Variants in ZFP82 observed in about 807,000 individuals in gnomAD.
The protein encoded by ZFP82 is zinc finger protein 82 homolog.
In ZFP82, 30 loss-of-function variants were observed where a neutral mutation model predicts 54.0. The ratio of observed to expected loss-of-function variants is 0.56; its 90% CI spans 0.42 to 0.75. The LOEUF (loss-of-function observed/expected upper bound fraction) is 0.75. ZFP82 is among the 30% of genes least tolerant of loss of function. The pLI is 0.00. For missense variants in ZFP82, 500 were observed against 636.8 expected (o/e 0.79, Z 2.31); for synonymous variants, 194 against 209.5 (o/e 0.93, Z 0.64).
rs59329149 is a variant in ZFP82, at chr19:36,397,075, A to T, written c.230-2965T>A. Among the ~76,000 whole-genome samples the T allele has an allele frequency of 5.1e-3, 746 of 146,064 alleles. 11 individuals carry two copies. Among genetic ancestry groups the T allele is most frequent in the African/African-American group, 0.018 (717 of 39,186 alleles). On this transcript the variant is annotated intron_variant, in intron 4 of 4. Coordinates refer to ENST00000392161, the MANE Select transcript of ZFP82 (RefSeq NM_133466.4). ...TTAGTTAGAATACAGAAATAGAAGT[A>T]ATAAAGCATAAACCAATTTTTTTTT...
intron 4 of ZFP82, among the ~76,000 whole-genome samples, chr19:36,398,719 T>A (rs1348225234): frequency 6.6e-6 from 1 of 152,072 alleles, no homozygotes; most frequent in East Asian, 1.9e-4. Flanking sequence ...AGCGTCACCC[T>A]CTGTCACCAC....
At position 36,393,750 on chromosome 19, in the gene ZFP82, G is replaced by A. The variant is rs200935785; in HGVS notation, c.590C>T (p.Pro197Leu). The A allele has an allele frequency of 5.0e-6, 8 of 1,613,720 alleles. No individual in the cohort carries two copies. The highest frequency in any genetic ancestry group is 1.7e-5 in the Admixed American group (1 of 59,976). The change falls in exon 5 of 5, where the codon CCG becomes CTG. Residue 197 changes from proline (P) to leucine (L), a missense_variant. By Grantham distance (98) the Pro-to-Leu change is moderately conservative. Transcript: ENST00000392161. ...FHHRIHTGEKPYECKECGMAF... is the reference protein window; with the variant it reads ...FHHRIHTGEKLYECKECGMAF... ...CATCCCACATTCCTTACATTCATAC[G>A]GTTTTTCACCAGTATGAATTCTGTG...
chr19:36,385,384 T>C (rs1237823936), downstream of ZFP82, among the ~76,000 whole-genome samples: 1 of 152,220 alleles, frequency 6.6e-6, no homozygotes. Context: ...TCTGTAGTAT[T>C]CTGTTATAGC....
At chr19:36,407,074 CTT>C (rs35808591) in intron 3 of ZFP82, among the ~76,000 whole-genome samples, 226 of 99,740 alleles carry the variant, frequency 2.3e-3, no homozygotes, top group African/African-American at 7.4e-3. Flanking sequence ...TTTTAATTTT[CTT>C]TTTTTTTTTT....
At chr19:36,396,861 T>G (rs1389931658) in intron 4 of ZFP82, among the ~76,000 whole-genome samples, 1 of 149,862 alleles carries the variant, frequency 6.7e-6, no homozygotes, top group Non-Finnish European at 1.5e-5. Context: ...AAAAAAAAAT[T>G]AAGCCTACAT....
chr19:36,406,658 G>T (rs1217561076), intron 3 of ZFP82, among the ~76,000 whole-genome samples: 1 of 152,106 alleles, frequency 6.6e-6, no homozygotes, highest in African/African-American at 2.4e-5. Context: ...GAATAATGCT[G>T]CTGTGAATAC....
At chr19:36,416,396 T>C (rs1276553055) in intron 1 of ZFP82, among the ~76,000 whole-genome samples, 1 of 152,174 alleles carries the variant, frequency 6.6e-6, no homozygotes, top group East Asian at 1.9e-4. Flanking sequence ...CAATTTTACG[T>C]ACAATTTCAA....
At position 36,401,673 on chromosome 19, in the gene ZFP82, T is replaced by C. The variant is rs79484209; in HGVS notation, c.229+3907A>G. On this transcript the variant is annotated intron_variant, in intron 4 of 4. Transcript: ENST00000392161. ...TTGCACTCAACCGGAGAAATAATTT[T>C]AGAATACAAGCAGCCCGTGGCTTTC... Among the ~76,000 whole-genome samples the C allele has an allele frequency of 9.4e-3, 1,431 of 152,356 alleles. 19 individuals carry two copies. The highest frequency in any genetic ancestry group is 0.02 in the Middle Eastern group (6 of 294).
At chr19:36,412,170 T>C (rs1001593829) in intron 1 of ZFP82, among the ~76,000 whole-genome samples, 2 of 152,158 alleles carry the variant, frequency 1.3e-5, no homozygotes, top group Admixed American at 1.3e-4. Context: ...TCAAGATATA[T>C]AATCTCTTAG....
At chr19:36,385,865 T>A (rs1226601514), downstream of ZFP82, among the ~76,000 whole-genome samples, 1 of 152,216 alleles carries the variant, frequency 6.6e-6, no homozygotes, top group East Asian at 1.9e-4. Context: ...CTGAAAGAGC[T>A]ACATGGCTTC....
At chr19:36,405,444 C>T in intron 4 of ZFP82, 136 bp downstream of exon 4, 2 of 541,168 alleles carry the variant, frequency 3.7e-6, no homozygotes, top group East Asian at 3.0e-5. Flanking sequence ...ACCTTTCCTC[C>T]TTGGGCCACA....
chr19:36,400,810 C>T (rs1335496199), intron 4 of ZFP82, among the ~76,000 whole-genome samples: 1 of 152,178 alleles, frequency 6.6e-6, no homozygotes, highest in African/African-American at 2.4e-5. Context: ...CCCTATTTCC[C>T]AGCTTCCCTT....
At chr19:36,416,616 C>T (rs1367750104) in intron 1 of ZFP82, among the ~76,000 whole-genome samples, 1 of 151,606 alleles carries the variant, frequency 6.6e-6, no homozygotes, top group Non-Finnish European at 1.5e-5. Flanking sequence ...ATTAGGCAGG[C>T]GTGGTGGTAT....
downstream of ZFP82, among the ~76,000 whole-genome samples, chr19:36,386,733 T>G (rs1049321997): frequency 2.0e-5 from 3 of 152,138 alleles, no homozygotes; most frequent in African/African-American, 7.2e-5. Flanking sequence ...GGTCAGGAGT[T>G]CAAGACCAGC....
chr19:36,399,439 G>A (rs2032348331), intron 4 of ZFP82, among the ~76,000 whole-genome samples: 1 of 152,138 alleles, frequency 6.6e-6, no homozygotes, highest in Non-Finnish European at 1.5e-5. Flanking sequence ...CCTCTCCAAG[G>A]CCAGACAGCA....
intron 4 of ZFP82, among the ~76,000 whole-genome samples, chr19:36,404,751 T>C (rs1466625376): frequency 6.6e-6 from 1 of 152,222 alleles, no homozygotes; most frequent in African/African-American, 2.4e-5. Flanking sequence ...TCCCTCGAAA[T>C]GCCCGTCTCT....
chr19:36,402,129 G>A (rs931680623), intron 4 of ZFP82, among the ~76,000 whole-genome samples: 10 of 152,210 alleles, frequency 6.6e-5, no homozygotes, highest in Non-Finnish European at 1.0e-4. Context: ...CATTTTGAGT[G>A]TTAATAATTG....
At chr19:36,412,095 A>AGAGAGAGAGT (rs140396966) in intron 1 of ZFP82, among the ~76,000 whole-genome samples, 6 of 150,936 alleles carry the variant, frequency 4.0e-5, no homozygotes, top group South Asian at 2.1e-4. Flanking sequence ...AGAGAGAGAG[A>AGAGAGAGAGT]GTGTGCGTGT....
At chr19:36,408,710 C>T (rs2032526767) in intron 2 of ZFP82, among the ~76,000 whole-genome samples, 1 of 151,514 alleles carries the variant, frequency 6.6e-6, no homozygotes, top group Non-Finnish European at 1.5e-5. Context: ...CCTAGCTACT[C>T]AGGAGGCTAA....
Sources: gnomAD v4.1 joint callset for allele counts (sites outside exome capture counted in the v4.1 genomes callset) on GRCh38, gnomAD v4.1.1 for gene constraint, MANE v1.5 for transcripts, NCBI Gene and HGNC (gene_info 2026-07-23, HGNC 2026-07-21) for gene names.